Variants in LPGAT1 observed in about 807,000 individuals in gnomAD.
LPGAT1 encodes the protein lysophosphatidylglycerol acyltransferase 1, also known as acyl-CoA:lysophosphatidylglycerol acyltransferase 1.
Under a neutral mutation model 47.5 loss-of-function variants are expected in LPGAT1, and 11 were observed. The observed-to-expected ratio is 0.23, with a 90% confidence interval of 0.15 to 0.38. LPGAT1 has a LOEUF of 0.38. LPGAT1 is among the 10% of genes least tolerant of loss of function. The probability of loss-of-function intolerance (pLI) is 1.00; values close to 1 mark genes in which losing one functional copy is unlikely to be tolerated. For missense variants in LPGAT1, 293 were observed against 439.0 expected, an observed-to-expected ratio of 0.67 and a Z score of 2.97; for synonymous variants, 138 against 144.2, an observed-to-expected ratio of 0.96 and a Z score of 0.31.
At chr1:211,773,456 G>A (rs927059557) in intron 6 of LPGAT1, among the ~76,000 whole-genome samples, 2 of 152,034 alleles carry the variant, frequency 1.3e-5, no homozygotes, top group African/African-American at 4.8e-5. Context: ...CTTCTCCCAA[G>A]TAACCAAAGT....
At chr1:211,822,256 ATT>A (rs1660388068) in intron 2 of LPGAT1, among the ~76,000 whole-genome samples, 1 of 152,220 alleles carries the variant, frequency 6.6e-6, no homozygotes, top group South Asian at 2.1e-4. Context: ...TTATATATAT[ATT>A]TCAAAATAAG....
chr1:211,754,447 T>C (rs1321465997), intron 6 of LPGAT1, among the ~76,000 whole-genome samples: 1 of 152,208 alleles, frequency 6.6e-6, no homozygotes, highest in Non-Finnish European at 1.5e-5. Context: ...TTCAGGCTGT[T>C]TTCCTCATCC....
intron 4 of LPGAT1, among the ~76,000 whole-genome samples, chr1:211,784,490 CAAAA>C (rs373021672): frequency 1.3e-4 from 15 of 112,536 alleles, no homozygotes; most frequent in Non-Finnish European, 1.6e-4. Context: ...GACCCTGTCT[CAAAA>C]AAAAAAAAAA....
chr1:211,748,682 T>TAA lies in LPGAT1; in HGVS notation c.*1215_*1216dup. On this transcript the variant is annotated 3_prime_UTR_variant, in exon 8 of 8. Coordinates refer to ENST00000366997, the MANE Select transcript of LPGAT1 (RefSeq NM_014873.3). ...CCTGGGTGACAGAGTAAGACCTGTCTAAAAAAAAAAGAAAAAAGAAAAAGC... is the reference window on the plus strand; with the variant it reads ...CCTGGGTGACAGAGTAAGACCTGTCTAAAAAAAAAAAAGAAAAAAGAAAAAGC... 1.4e-5 allele frequency: 2 copies of TAA among 147,282 alleles called. No homozygotes were observed. Among genetic ancestry groups the TAA allele is most frequent in the East Asian group, 2.0e-4 (1 of 5,080 alleles). The allele number at this position is 147,282 out of a possible 1,614,324, so 9.1% of individuals were successfully genotyped here.
chr1:211,785,856 C>T (rs1289317864), intron 4 of LPGAT1, among the ~76,000 whole-genome samples: 2 of 152,134 alleles, frequency 1.3e-5, no homozygotes, highest in African/African-American at 4.8e-5. Flanking sequence ...ATCTGTCCAC[C>T]TCGGCCTCCC....
intron 2 of LPGAT1, among the ~76,000 whole-genome samples, chr1:211,811,981 C>T (rs1472350606): frequency 6.6e-6 from 1 of 152,242 alleles, no homozygotes; most frequent in African/African-American, 2.4e-5. Flanking sequence ...CCAGCTCTAT[C>T]ACTCACATTG....
At chr1:211,772,240 A>G (rs1658203046) in intron 6 of LPGAT1, among the ~76,000 whole-genome samples, 1 of 152,244 alleles carries the variant, frequency 6.6e-6, no homozygotes, top group Admixed American at 6.5e-5. Flanking sequence ...TCATAACGTG[A>G]GTTCACAAAT....
intron 2 of LPGAT1, among the ~76,000 whole-genome samples, chr1:211,804,463 C>T (rs935937197): frequency 1.3e-4 from 20 of 152,122 alleles, no homozygotes; most frequent in Admixed American, 1.1e-3. Flanking sequence ...AAACACAAGG[C>T]AGAAAATTAC....
At chr1:211,777,341 G>T (rs1438839928) in intron 6 of LPGAT1, among the ~76,000 whole-genome samples, 1 of 151,932 alleles carries the variant, frequency 6.6e-6, no homozygotes, top group Non-Finnish European at 1.5e-5. Context: ...CTCTAATATT[G>T]GTTAGACACT....
chr1:211,791,234 C>T (rs1659099175), intron 3 of LPGAT1, among the ~76,000 whole-genome samples: 1 of 152,164 alleles, frequency 6.6e-6, no homozygotes, highest in African/African-American at 2.4e-5. Flanking sequence ...CCTACCCTAA[C>T]CTAGTGAATC....
chr1:211,809,099 G>C (rs1659869965), intron 2 of LPGAT1, among the ~76,000 whole-genome samples: 2 of 151,950 alleles, frequency 1.3e-5, no homozygotes, highest in South Asian at 4.2e-4. Flanking sequence ...CAACTACTCG[G>C]AAGGCTGAGG....
chr1:211,793,705 T>C (rs554708467), intron 2 of LPGAT1, among the ~76,000 whole-genome samples: 1 of 152,314 alleles, frequency 6.6e-6, no homozygotes, highest in African/African-American at 2.4e-5. Context: ...AGTGCTGAGA[T>C]TACAGGCGTG....
intron 2 of LPGAT1, among the ~76,000 whole-genome samples, chr1:211,815,183 G>C (rs1275277777): frequency 1.3e-5 from 2 of 152,166 alleles, no homozygotes; most frequent in Admixed American, 6.5e-5. Flanking sequence ...GTTCCAGACT[G>C]CACATCCATG....
At chr1:211,787,566 T>C in intron 4 of LPGAT1, 66 bp downstream of exon 4, 1 of 788,994 alleles carries the variant, frequency 1.3e-6, no homozygotes, top group Non-Finnish European at 2.0e-6. Context: ...TTGTTATACC[T>C]CTTTTTATAA....
At chr1:211,769,681 G>T (rs571730588) in intron 6 of LPGAT1, among the ~76,000 whole-genome samples, 1 of 152,134 alleles carries the variant, frequency 6.6e-6, no homozygotes, top group Non-Finnish European at 1.5e-5. Context: ...TCCCCTTTTA[G>T]ACCATATAAG....
chr1:211,799,775 A>T (rs952473969), intron 2 of LPGAT1, among the ~76,000 whole-genome samples: 4 of 152,216 alleles, frequency 2.6e-5, no homozygotes, highest in Admixed American at 2.0e-4. Flanking sequence ...TAAGAAAAAA[A>T]ATCAACATTG....
intron 6 of LPGAT1, among the ~76,000 whole-genome samples, chr1:211,758,493 G>A (rs1265763679): frequency 6.6e-6 from 1 of 152,168 alleles, no homozygotes; most frequent in Non-Finnish European, 1.5e-5. Context: ...ACAGGGGTCA[G>A]GAGATGGAGA....
At chr1:211,813,824 G>T (rs955442638) in intron 2 of LPGAT1, among the ~76,000 whole-genome samples, 3 of 152,144 alleles carry the variant, frequency 2.0e-5, no homozygotes, top group African/African-American at 7.2e-5. Context: ...GCCAACCTCT[G>T]CAGTAAGGTA....
intron 6 of LPGAT1, among the ~76,000 whole-genome samples, chr1:211,770,387 A>C (rs898245356): frequency 6.6e-6 from 1 of 152,128 alleles, no homozygotes; most frequent in African/African-American, 2.4e-5. Flanking sequence ...TGATCTTTTC[A>C]TATATTTTTA....
Sources: gnomAD v4.1 joint callset for allele counts (sites outside exome capture counted in the v4.1 genomes callset) on GRCh38, gnomAD v4.1.1 for gene constraint, MANE v1.5 for transcripts, NCBI Gene and HGNC (gene_info 2026-07-23, HGNC 2026-07-21) for gene names.